Variants in CNTNAP5 observed in about 807,000 individuals in gnomAD.
CNTNAP5 encodes the protein contactin associated protein family member 5.
In CNTNAP5, 72 loss-of-function variants were observed where a neutral mutation model predicts 150.2. That is an observed-to-expected ratio of 0.48 (90% confidence interval 0.40 to 0.58). CNTNAP5 has a LOEUF of 0.58. CNTNAP5 is among the 20% of genes least tolerant of loss of function. The pLI is 0.00. For missense variants in CNTNAP5, 1,636 were observed against 1,626.2 expected (o/e 1.01, Z -0.10); for synonymous variants, 672 against 619.8 (o/e 1.08, Z -1.25).
chr2:124,187,702 A>G (rs1326402635), intron 1 of CNTNAP5, among the ~76,000 whole-genome samples: 9 of 152,212 alleles, frequency 5.9e-5, no homozygotes, highest in Admixed American at 3.3e-4. Flanking sequence ...TTTTAGCAGG[A>G]TGTTTGACCT....
chr2:124,453,993 A>T (rs1189050845), intron 6 of CNTNAP5, among the ~76,000 whole-genome samples: 1 of 152,168 alleles, frequency 6.6e-6, no homozygotes, highest in Non-Finnish European at 1.5e-5. Context: ...AACAAAAACA[A>T]AAAACAGAGT....
At chr2:124,866,283 A>AAATG (rs1677630526) in intron 20 of CNTNAP5, among the ~76,000 whole-genome samples, 1 of 152,124 alleles carries the variant, frequency 6.6e-6, no homozygotes, top group Non-Finnish European at 1.5e-5. Context: ...AAACAAAAAG[A>AAATG]AATGCAGATT....
chr2:124,634,902 A>T (rs1291310391), intron 12 of CNTNAP5, among the ~76,000 whole-genome samples: 1 of 152,142 alleles, frequency 6.6e-6, no homozygotes, highest in Non-Finnish European at 1.5e-5. Flanking sequence ...AGTCTCTAGG[A>T]AGTTCCAAAC....
intron 13 of CNTNAP5, among the ~76,000 whole-genome samples, chr2:124,678,625 G>A (rs916342968): frequency 6.6e-6 from 1 of 151,806 alleles, no homozygotes; most frequent in Admixed American, 6.7e-5. Context: ...TTCCCGAGGT[G>A]AGGGTAGAAA....
intron 1 of CNTNAP5, among the ~76,000 whole-genome samples, chr2:124,202,606 A>G (rs2104711663): frequency 6.6e-6 from 1 of 152,284 alleles, no homozygotes; most frequent in African/African-American, 2.4e-5. Context: ...ATTTATAAAG[A>G]AAAAGAGGTT....
intron 11 of CNTNAP5, among the ~76,000 whole-genome samples, chr2:124,591,271 TG>T (rs1158934711): frequency 1.3e-5 from 2 of 152,186 alleles, no homozygotes; most frequent in Non-Finnish European, 2.9e-5. Context: ...GAAAATGTGA[TG>T]ATTTCCTCAA....
At chr2:124,194,634 A>G (rs1685540011) in intron 1 of CNTNAP5, among the ~76,000 whole-genome samples, 1 of 150,810 alleles carries the variant, frequency 6.6e-6, no homozygotes. Context: ...AATTTTGCTT[A>G]GAATAATTTT....
Position 124,880,555 on chromosome 2 carries a change from C to A in CNTNAP5, c.3436+10793C>A, listed in dbSNP as rs183669250. 3.3e-5 allele frequency among the ~76,000 whole-genome samples: 5 copies of A among 152,116 alleles called. No homozygotes were observed. The East Asian group carries it at 9.7e-4, about 30-fold the overall frequency. ...GAATATAAGCCTTGCACAGAGCATG[C>A]CTCCCATAAAAGATAAACATTATAT... On this transcript the variant is annotated intron_variant, in intron 21 of 23. Transcript: ENST00000682447.
chr2:124,721,245 G>A (rs981020145), intron 13 of CNTNAP5, among the ~76,000 whole-genome samples: 15 of 152,110 alleles, frequency 9.9e-5, no homozygotes, highest in African/African-American at 3.4e-4. Context: ...TTGGGAGGCC[G>A]AGGCACGTGG....
chr2:124,835,395 T>C (rs314700), intron 19 of CNTNAP5, among the ~76,000 whole-genome samples: 67,348 of 151,946 alleles, frequency 0.44, 16,013 homozygotes, highest in East Asian at 0.84. Context: ...AAAAAATCCT[T>C]TTAAAATCTT....
chr2:124,530,055 C>T (rs1695068159), intron 10 of CNTNAP5, among the ~76,000 whole-genome samples: 1 of 152,170 alleles, frequency 6.6e-6, no homozygotes, highest in East Asian at 1.9e-4. Flanking sequence ...CTCACGTCTG[C>T]AATTCCAGTA....
chr2:124,178,418 T>G (rs899532687), intron 1 of CNTNAP5, among the ~76,000 whole-genome samples: 1 of 152,200 alleles, frequency 6.6e-6, no homozygotes, highest in Non-Finnish European at 1.5e-5. Flanking sequence ...ATATTATCAT[T>G]CAGTTTCTAG....
In CNTNAP5 at chr2:124,504,419, G is replaced by A. The variant is rs1310698029; in HGVS notation, c.1190G>A (p.Arg397Gln). Residue 397 changes from arginine to glutamine, a missense_variant, in exon 8 of 24, where the codon CGA (arginine) becomes CAA (glutamine). Physicochemically the swap from Arg to Gln is conservative, Grantham distance 43. Coordinates refer to ENST00000682447, the MANE Select transcript of CNTNAP5 (RefSeq NM_001367498.1). ...GGGCTCTCAGTGAGTTTCCAGTTTC[G>A]AACATGGAACAAGGATGGTCTGCTT... The part of the protein sequence containing the change: ...IDGLSVSFQF[R>Q]TWNKDGLLLS... 9 of 1,613,770 alleles carry A rather than the reference G, an allele frequency of 5.6e-6. No individual in the cohort carries two copies. Among genetic ancestry groups the A allele is most frequent in the Non-Finnish European group, 7.6e-6 (9 of 1,179,844 alleles).
intron 13 of CNTNAP5, among the ~76,000 whole-genome samples, chr2:124,651,452 T>A (rs1678321147): frequency 6.6e-6 from 1 of 152,204 alleles, no homozygotes; most frequent in Admixed American, 6.5e-5. Context: ...GGTGAGCTAC[T>A]GGAATTATCT....
intron 10 of CNTNAP5, among the ~76,000 whole-genome samples, chr2:124,562,555 T>C (rs930045674): frequency 2.0e-5 from 3 of 152,224 alleles, no homozygotes; most frequent in African/African-American, 4.8e-5. Flanking sequence ...CTCAGTGTGA[T>C]TGCTGATTCT....
At chr2:124,854,577 C>A (rs1041869523) in intron 19 of CNTNAP5, among the ~76,000 whole-genome samples, 4 of 152,186 alleles carry the variant, frequency 2.6e-5, no homozygotes, top group Non-Finnish European at 4.4e-5. Context: ...ATTTGTTTCT[C>A]TAGTGTCTTA....
At chr2:124,296,749 C>T (rs1233759513) in intron 3 of CNTNAP5, among the ~76,000 whole-genome samples, 1 of 152,124 alleles carries the variant, frequency 6.6e-6, no homozygotes. Flanking sequence ...GAATATCATC[C>T]CTTCTCCTCA....
chr2:124,703,477 G>A (rs997619113), intron 13 of CNTNAP5, among the ~76,000 whole-genome samples: 12 of 152,136 alleles, frequency 7.9e-5, no homozygotes, highest in Admixed American at 1.3e-4. Flanking sequence ...AAGAAAGTAC[G>A]AGTATCATAA....
intron 7 of CNTNAP5, among the ~76,000 whole-genome samples, chr2:124,485,602 GACTC>G (rs1693855847): frequency 1.1e-5 from 1 of 90,208 alleles, no homozygotes; most frequent in Admixed American, 1.6e-4. Flanking sequence ...GACACAGAAA[GACTC>G]TGTCTCAAAA....
Sources: allele counts gnomAD v4.1 joint callset (sites outside exome capture counted in the v4.1 genomes callset), GRCh38; gene constraint gnomAD v4.1.1; transcripts MANE v1.5; gene names NCBI Gene and HGNC (gene_info 2026-07-23, HGNC 2026-07-21).